RRP15: variants seen among roughly 807,000 people sequenced by gnomAD.
RRP15 encodes the protein RRP15-like protein.
A neutral mutation model predicts 27.1 loss-of-function variants in RRP15; 18 were observed. That is an observed-to-expected ratio of 0.66 (90% CI 0.46 to 0.98). RRP15 has a LOEUF of 0.98. Ranked by LOEUF, RRP15 falls within the 50% of genes least tolerant of loss-of-function variation. RRP15 has a pLI of 0.00. For synonymous variants in RRP15, 107 were observed against 109.4 expected (o/e 0.98, Z 0.14); for missense variants, 359 against 337.8 (o/e 1.06, Z -0.49).
At chr1:218,321,915 A>T (rs544332893) in intron 4 of RRP15, among the ~76,000 whole-genome samples, 1 of 151,962 alleles carries the variant, frequency 6.6e-6, no homozygotes, top group Admixed American at 6.6e-5. Context: ...TTTTATACTT[A>T]ATGGTAAATC....
At chr1:218,327,347 C>T (rs113613002) in intron 4 of RRP15, among the ~76,000 whole-genome samples, 7,825 of 152,164 alleles carry the variant, frequency 0.051, 695 homozygotes, top group African/African-American at 0.18. Context: ...CTTACTCCGT[C>T]GCTCAGGCTG....
In RRP15 at chr1:218,331,884, T is replaced by G. The variant is rs1404276585; in HGVS notation, c.*793T>G. 3 of 151,954 alleles carry G rather than the reference T, an allele frequency of 2.0e-5. No homozygotes were observed. Among genetic ancestry groups the G allele is most frequent in the Non-Finnish European group, 2.9e-5 (2 of 68,010 alleles). The allele number at this position is 151,954 out of a possible 1,614,324, so 9.4% of individuals were successfully genotyped here. ...TAGTAGAGACGGGGTTTCACCATGT[T>G]AGCCAGGATGGTCTCAATCTCCTGA... On this transcript the variant is annotated 3_prime_UTR_variant, in exon 5 of 5. Coordinates refer to ENST00000366932, the MANE Select transcript of RRP15 (RefSeq NM_016052.4).
chr1:218,302,104 C>T (rs908619828), intron 1 of RRP15, 190 bp from the exon 2 acceptor site: 1 of 526,898 alleles, frequency 1.9e-6, no homozygotes, highest in Non-Finnish European at 3.3e-6. Context: ...TGGGCGAGGT[C>T]TCTGGGAGCT....
chr1:218,293,164 A>G (rs1387947778), intron 1 of RRP15, among the ~76,000 whole-genome samples: 1 of 151,906 alleles, frequency 6.6e-6, no homozygotes, highest in Non-Finnish European at 1.5e-5. Context: ...AATTGGGACC[A>G]TAGGTGCACA....
intron 4 of RRP15, among the ~76,000 whole-genome samples, chr1:218,310,709 T>C (rs1655981105): frequency 6.6e-6 from 1 of 152,144 alleles, no homozygotes; most frequent in Non-Finnish European, 1.5e-5. Flanking sequence ...TAAATGTTTT[T>C]TAACTGTGAT....
In RRP15 at chr1:218,305,173, C is replaced by CT. The variant is rs1655879556; in HGVS notation, c.503+48_503+49insT. ...TAAAAAATAAGTATACTAAAGCTAT[C>CT]ATAGTGGTTCTATTTTTGACCCAAT... is the stretch of plus-strand genomic sequence containing the variant. On this transcript the variant is annotated intron_variant, in intron 3 of 4. Coordinates refer to ENST00000366932, the MANE Select transcript of RRP15 (RefSeq NM_016052.4). 13 of 1,393,962 alleles carry CT rather than the reference C, an allele frequency of 9.3e-6. No homozygotes were observed. The South Asian group carries it at 1.4e-4, about 15-fold the overall frequency. 86.3% of individuals were successfully genotyped at this position (1,393,962 alleles called of 1,614,324 possible). A position where few individuals can be genotyped will look rare whatever the true frequency, so the allele number is the denominator to read the frequency against.
intron 1 of RRP15, among the ~76,000 whole-genome samples, chr1:218,295,188 T>C (rs1269724702): frequency 6.6e-6 from 1 of 152,200 alleles, no homozygotes; most frequent in Non-Finnish European, 1.5e-5. Flanking sequence ...GTTGATGATA[T>C]CAAGTATGAT....
chr1:218,308,024 A>G (rs1195584594), intron 4 of RRP15, among the ~76,000 whole-genome samples: 1 of 147,376 alleles, frequency 6.8e-6, no homozygotes, highest in Non-Finnish European at 1.5e-5. Flanking sequence ...TGGCATGAGA[A>G]CTTTGCTTCT....
At chr1:218,317,298 G>A (rs1055049012) in intron 4 of RRP15, among the ~76,000 whole-genome samples, 1 of 152,196 alleles carries the variant, frequency 6.6e-6, no homozygotes, top group Non-Finnish European at 1.5e-5. Context: ...ATGTTTTTAC[G>A]TAATTCCACT....
At chr1:218,323,744 C>T (rs1398941859) in intron 4 of RRP15, among the ~76,000 whole-genome samples, 3 of 152,202 alleles carry the variant, frequency 2.0e-5, no homozygotes, top group Admixed American at 1.3e-4. Context: ...TTGTTGGCAC[C>T]CAAAGTCCGG....
chr1:218,309,704 A>AG (rs1490530848), intron 4 of RRP15, among the ~76,000 whole-genome samples: 1 of 151,594 alleles, frequency 6.6e-6, no homozygotes, highest in East Asian at 1.9e-4. Flanking sequence ...AAAAAAAAAA[A>AG]AAAACATATT....
At chr1:218,307,408 T>C in intron 3 of RRP15, 23 bp from the exon 4 acceptor site, 3 of 1,590,196 alleles carry the variant, frequency 1.9e-6, no homozygotes, top group Non-Finnish European at 2.6e-6. Context: ...AATACATCAT[T>C]CTGGTCATTT....
rs1250869857 is a variant in RRP15 at position 218,335,081 on chromosome 1, CATAATT to C, written c.*3994_*3999del. ...AAAATGCTAAGTTAGAATGAATAAT[CATAATT>C]ATATAGATGGAAGATATATTCTAAC... On this transcript the variant is annotated 3_prime_UTR_variant, in exon 5 of 5. Coordinates refer to ENST00000366932, the MANE Select transcript of RRP15 (RefSeq NM_016052.4). The C allele has an allele frequency of 2.6e-5, 4 of 152,072 alleles. No homozygotes were observed. The highest frequency in any genetic ancestry group is 2.9e-5 in the Non-Finnish European group (2 of 68,030). 9.4% of individuals were successfully genotyped at this position (152,072 alleles called of 1,614,324 possible).
chr1:218,311,255 C>T (rs1288018495), intron 4 of RRP15, among the ~76,000 whole-genome samples: 2 of 152,098 alleles, frequency 1.3e-5, no homozygotes, highest in African/African-American at 4.8e-5. Context: ...TTTATCAGTA[C>T]TAGATACTAT....
intron 3 of RRP15, among the ~76,000 whole-genome samples, chr1:218,307,005 C>A (rs1336654136): frequency 1.3e-5 from 2 of 152,116 alleles, no homozygotes; most frequent in Non-Finnish European, 2.9e-5. Context: ...TTTGAATGAA[C>A]TCAAATAAAT....
At chr1:218,285,851 A>G (rs1328593966) in intron 1 of RRP15, among the ~76,000 whole-genome samples, 1 of 152,158 alleles carries the variant, frequency 6.6e-6, no homozygotes, top group African/African-American at 2.4e-5. Context: ...AAGGGGGTGT[A>G]CTTGACTTTT....
chr1:218,327,612 G>A (rs1656294917), intron 4 of RRP15, among the ~76,000 whole-genome samples: 1 of 152,018 alleles, frequency 6.6e-6, no homozygotes, highest in African/African-American at 2.4e-5. Context: ...CCTTAAACAA[G>A]GTTTTCTTGA....
Position 218,332,708 on chromosome 1 carries a change from G to T in RRP15, c.*1617G>T, listed in dbSNP as rs1475941855. ...AAGTGGTTAAAACAGCAAAGTACAA[G>T]ATGCATTTTTGTATTTATTCTAACT... On this transcript the variant is annotated 3_prime_UTR_variant, in exon 5 of 5. Coordinates refer to ENST00000366932, the MANE Select transcript of RRP15 (RefSeq NM_016052.4). The T allele has an allele frequency of 2.0e-5, 3 of 152,126 alleles. No homozygotes were observed. In the East Asian group the frequency reaches 5.8e-4, roughly 29 times the overall value. 9.4% of individuals were successfully genotyped at this position (152,126 alleles called of 1,614,324 possible). A position where few individuals can be genotyped will look rare whatever the true frequency, so the allele number is the denominator to read the frequency against.
intron 4 of RRP15, among the ~76,000 whole-genome samples, 190 bp from the exon 5 acceptor site, chr1:218,330,758 T>C (rs1656353301): frequency 6.6e-6 from 1 of 152,186 alleles, no homozygotes; most frequent in South Asian, 2.1e-4. Flanking sequence ...TTTAGTTCTT[T>C]ATTATACATT....
Sources: allele counts gnomAD v4.1 joint callset (sites outside exome capture counted in the v4.1 genomes callset), GRCh38; gene constraint gnomAD v4.1.1; transcripts MANE v1.5; gene names NCBI Gene and HGNC (gene_info 2026-07-23, HGNC 2026-07-21).